The following NAV1 variants were observed in gnomAD, a reference collection of about 807,000 sequenced individuals.
NAV1 encodes pore membrane and/or filament interacting like protein 3.
A neutral mutation model predicts 175.2 loss-of-function variants in NAV1; 18 were observed. The observed-to-expected ratio is 0.10, with a 90% CI of 0.07 to 0.15. NAV1 has a LOEUF of 0.15. Among genes scored for constraint, NAV1 ranks in the 10% least tolerant of loss-of-function variants. NAV1 has a pLI of 1.00. For synonymous variants in NAV1, 897 were observed against 978.7 expected (o/e 0.92, Z 1.56); for missense variants, 1,731 against 2,436.6 (o/e 0.71, Z 6.10).
At chr1:201,573,619 C>T (rs1217254891) in intron 1 of NAV1, among the ~76,000 whole-genome samples, 2 of 152,194 alleles carry the variant, frequency 1.3e-5, no homozygotes, top group African/African-American at 4.8e-5. Context: ...CTGCTCCAGG[C>T]CTGCCTGCTG....
chr1:201,751,156 A>T (rs1356625409), intron 3 of NAV1, among the ~76,000 whole-genome samples: 1 of 152,184 alleles, frequency 6.6e-6, no homozygotes, highest in Non-Finnish European at 1.5e-5. Flanking sequence ...TTTCTCTAAG[A>T]TATGTATCTT....
exon 30 of NAV1, chr1:201,822,405 G>A (rs966056097): frequency 6.6e-6 from 1 of 152,624 alleles, no homozygotes; most frequent in Admixed American, 6.5e-5. Context: ...TAATCTGATG[G>A]TTGAGCGCTT....
intron 1 of NAV1, among the ~76,000 whole-genome samples, chr1:201,629,114 A>G (rs891014167): frequency 6.6e-6 from 1 of 152,154 alleles, no homozygotes; most frequent in South Asian, 2.1e-4. Flanking sequence ...CCTATAAGTG[A>G]TAACGTTCCT....
Position 201,701,029 on chromosome 1 carries a change from A to AAAG in NAV1, c.758-11786_758-11785insGAA, listed in dbSNP as rs1553255899. Among the ~76,000 whole-genome samples, 504 of 148,496 alleles carry AAAG rather than the reference A, an allele frequency of 3.4e-3. 1 individual carries two copies. Among genetic ancestry groups the AAAG allele is most frequent in the Non-Finnish European group, 5.9e-3 (390 of 66,440 alleles). On this transcript the variant is annotated intron_variant, in intron 1 of 29. Transcript: ENST00000367296. ...TGTCTCAAAAAAAAAAAAAAAAAAA[A>AAAG]AAAGAAAGAAAAGAAAATGTGGCAC...
At chr1:201,597,746 C>A (rs1213113851) in intron 2 of NAV1, among the ~76,000 whole-genome samples, 12 of 152,244 alleles carry the variant, frequency 7.9e-5, no homozygotes, top group Admixed American at 7.8e-4. Context: ...CTTCCTGTTC[C>A]GCGGGGAAGA....
At chr1:201,791,205 TG>T in intron 13 of NAV1, 1 of 166,914 alleles carries the variant, frequency 6.0e-6, no homozygotes, top group Non-Finnish European at 1.3e-5. Context: ...GGCACATGAT[TG>T]GTCATTAGAA....
At chr1:201,666,845 T>C (rs1214409512) in intron 1 of NAV1, among the ~76,000 whole-genome samples, 1 of 152,160 alleles carries the variant, frequency 6.6e-6, no homozygotes, top group East Asian at 1.9e-4. Flanking sequence ...TATGGGGCTC[T>C]GTGTGGGCTC....
chr1:201,648,817 C>T (rs1558035446), exon 1 of NAV1: 1 of 1,582,296 alleles, frequency 6.3e-7, no homozygotes, highest in East Asian at 2.3e-5. Context: ...GCCAAGGCGC[C>T]CGGCGGCGGC....
chr1:201,561,243 ATGAAGTAGTCCTAAG>A (rs1666188428), intron 1 of NAV1, among the ~76,000 whole-genome samples: 1 of 152,326 alleles, frequency 6.6e-6, no homozygotes, highest in South Asian at 2.1e-4. Flanking sequence ...TTGTCAGTCA[ATGAAGTAGTCCTAAG>A]TGTAGTAATT....
chr1:201,600,378 G>A (rs981974714), intron 2 of NAV1, among the ~76,000 whole-genome samples: 2 of 152,204 alleles, frequency 1.3e-5, no homozygotes, highest in African/African-American at 4.8e-5. Context: ...CTGAAGCATG[G>A]TGGAGACAGG....
chr1:201,741,221 G>A (rs1673399062), intron 3 of NAV1, among the ~76,000 whole-genome samples: 1 of 152,178 alleles, frequency 6.6e-6, no homozygotes, highest in South Asian at 2.1e-4. Context: ...TTCTGCCTCC[G>A]TTCCTGCCCT....
chr1:201,681,821 A>T (rs1218205054), intron 1 of NAV1, among the ~76,000 whole-genome samples: 1 of 152,034 alleles, frequency 6.6e-6, no homozygotes, highest in Non-Finnish European at 1.5e-5. Context: ...AAAAATACAA[A>T]AATTAGCCAA....
intron 1 of NAV1, among the ~76,000 whole-genome samples, chr1:201,556,345 G>A (rs1413555361): frequency 6.6e-6 from 1 of 152,024 alleles, no homozygotes; most frequent in Non-Finnish European, 1.5e-5. Flanking sequence ...TTGAACCTGG[G>A]AGGCAGAGGT....
chr1:201,579,778 G>T (rs1666795806), intron 1 of NAV1, among the ~76,000 whole-genome samples: 1 of 152,136 alleles, frequency 6.6e-6, no homozygotes, highest in South Asian at 2.1e-4. Context: ...TTGTATTAGG[G>T]TTCTTCAGAG....
chr1:201,542,569 C>A (rs890432936), intron 1 of NAV1, among the ~76,000 whole-genome samples: 1 of 152,172 alleles, frequency 6.6e-6, no homozygotes, highest in African/African-American at 2.4e-5. Flanking sequence ...CTGATTTCCT[C>A]CGAGAGGCCT....
At chr1:201,739,926 C>G in intron 3 of NAV1, 1 of 1,327,628 alleles carries the variant, frequency 7.5e-7, no homozygotes, top group South Asian at 2.1e-5. Flanking sequence ...GCGTGGCCCA[C>G]AGCTCATACC....
At chr1:201,684,238 G>C (rs1489934486) in intron 1 of NAV1, among the ~76,000 whole-genome samples, 1 of 152,092 alleles carries the variant, frequency 6.6e-6, no homozygotes, top group Non-Finnish European at 1.5e-5. Context: ...ATGGGAGGAG[G>C]TTTAGAATCT....
At position 201,808,225 on chromosome 1, in the gene NAV1, T is replaced by A; in HGVS notation, c.3845+76T>A. 6.5e-7 allele frequency: 1 copy of A among 1,530,662 alleles called. No homozygotes were observed. Among genetic ancestry groups the A allele is most frequent in the Non-Finnish European group, 9.0e-7 (1 of 1,116,340 alleles). 94.8% of individuals were successfully genotyped at this position (1,530,662 alleles called of 1,614,324 possible). A position where few individuals can be genotyped will look rare whatever the true frequency, so the allele number is the denominator to read the frequency against. On this transcript the variant is annotated intron_variant, in intron 18 of 29. Coordinates refer to ENST00000367296, the Ensembl canonical transcript of NAV1. The surrounding 1 kb of genome is among the most constrained non-coding windows in gnomAD (Gnocchi z 5.5). ...TGGGCTAGAGTTGACAGGAGGCCAT[T>A]AGACCTTAGACAAGCAGTACTTATT...
chr1:201,625,971 C>T (rs1668319383), intron 1 of NAV1, among the ~76,000 whole-genome samples: 1 of 152,224 alleles, frequency 6.6e-6, no homozygotes, highest in Non-Finnish European at 1.5e-5. Context: ...CCTCCTAGAC[C>T]CTGCCCCTTT....
Sources: allele counts gnomAD v4.1 joint callset (sites outside exome capture counted in the v4.1 genomes callset), GRCh38; gene constraint gnomAD v4.1.1; non-coding constraint Gnocchi (gnomAD v3.1); transcripts MANE v1.5; gene names NCBI Gene and HGNC (gene_info 2026-07-23, HGNC 2026-07-21).